CUL5: variants seen among roughly 807,000 people sequenced by gnomAD.
The protein encoded by CUL5 is cullin-5.
A neutral mutation model predicts 108.8 loss-of-function variants in CUL5; 26 were observed. The ratio of observed to expected loss-of-function variants is 0.24; its 90% CI spans 0.18 to 0.33. The LOEUF (loss-of-function observed/expected upper bound fraction) is 0.33, where lower values mean the gene tolerates loss of function less well. CUL5 is among the 10% of genes least tolerant of loss of function. The probability of loss-of-function intolerance (pLI) is 1.00; values close to 1 mark genes in which losing one functional copy is unlikely to be tolerated. For synonymous variants in CUL5, 334 were observed against 298.0 expected, an observed-to-expected ratio of 1.12 and a Z score of -1.25; for missense variants, 524 against 909.2, an observed-to-expected ratio of 0.58 and a Z score of 5.45.
chr11:108,074,319 C>G (rs765478297), intron 10 of CUL5, among the ~76,000 whole-genome samples: 12 of 150,694 alleles, frequency 8.0e-5, no homozygotes, highest in Non-Finnish European at 1.6e-4. Flanking sequence ...CTCAGCCTCT[C>G]GAGTAGCTGG....
intron 5 of CUL5, among the ~76,000 whole-genome samples, chr11:108,054,276 G>A (rs1863317256): frequency 6.6e-6 from 1 of 152,072 alleles, no homozygotes; most frequent in Admixed American, 6.5e-5. Flanking sequence ...ATATTTTCTT[G>A]TGCTTTTCTG....
intron 11 of CUL5, 25 bp from the exon 12 acceptor site, chr11:108,088,502 C>T (rs1196235689): frequency 6.4e-7 from 1 of 1,570,656 alleles, no homozygotes; most frequent in South Asian, 1.2e-5. Context: ...ATTTTTCCAT[C>T]AACTGCTTTT....
In CUL5 at chr11:108,095,630, G is replaced by C. The variant is rs148992074; in HGVS notation, c.1844G>C (p.Ser615Thr). The C allele has an allele frequency of 6.2e-7, 1 of 1,614,032 alleles. No individual in the cohort carries two copies. Among genetic ancestry groups the C allele is most frequent in the Non-Finnish European group, 8.5e-7 (1 of 1,179,964 alleles). Residue 615 changes from serine to threonine, a missense_variant, in exon 16 of 19, where the codon AGC becomes ACC. Transcript: ENST00000393094. ...AACCAAAGACCCAGAGAGAAAATCA[G>C]CTTTGAAAATCTTAAGCTTGCAACT... ...AWNQRPREKI[S>T]FENLKLATEL...
intron 13 of CUL5, among the ~76,000 whole-genome samples, chr11:108,090,982 G>A (rs796876516): frequency 9.9e-5 from 15 of 152,200 alleles, no homozygotes; most frequent in African/African-American, 3.6e-4. Flanking sequence ...ATAGGAAAAA[G>A]GGGAAAATAG....
intron 1 of CUL5, among the ~76,000 whole-genome samples, chr11:108,017,489 A>G (rs993603277): frequency 6.6e-5 from 10 of 152,074 alleles, no homozygotes; most frequent in African/African-American, 2.2e-4. Flanking sequence ...TACTGACACT[A>G]AAGACATAAA....
intron 10 of CUL5, among the ~76,000 whole-genome samples, chr11:108,075,031 G>A (rs1224876701): frequency 6.6e-6 from 1 of 152,062 alleles, no homozygotes; most frequent in African/African-American, 2.4e-5. Context: ...GGTAGAATGT[G>A]ATTTATGTAT....
chr11:108,103,657 G>T (rs1053224488), intron 18 of CUL5, among the ~76,000 whole-genome samples: 9 of 152,120 alleles, frequency 5.9e-5, no homozygotes, highest in African/African-American at 2.2e-4. Context: ...TATACACATT[G>T]TTTTCACAGG....
chr11:108,046,966 A>G (rs969755040), intron 3 of CUL5, among the ~76,000 whole-genome samples: 1 of 152,166 alleles, frequency 6.6e-6, no homozygotes, highest in African/African-American at 2.4e-5. Flanking sequence ...CTTATGAATA[A>G]ATCCCTTATC....
chr11:108,089,704 T>C, intron 13 of CUL5, 81 bp downstream of exon 13: 1 of 785,432 alleles, frequency 1.3e-6, no homozygotes, highest in Non-Finnish European at 1.9e-6. Context: ...ATTTTGGAGA[T>C]ATTGTTAATG....
At chr11:108,039,398 T>C (rs1235593536) in intron 2 of CUL5, among the ~76,000 whole-genome samples, 1 of 152,208 alleles carries the variant, frequency 6.6e-6, no homozygotes, top group Non-Finnish European at 1.5e-5. Context: ...TCTCCCCACC[T>C]TGCATTATAA....
intron 9 of CUL5, 66 bp from the exon 10 acceptor site, chr11:108,073,324 A>T (rs1007868964): frequency 1.4e-6 from 1 of 716,832 alleles, no homozygotes; most frequent in Non-Finnish European, 2.3e-6. Context: ...AATTATGTTT[A>T]TTTTCTCATT....
chr11:108,074,925 A>G (rs1863909333), intron 10 of CUL5, among the ~76,000 whole-genome samples: 1 of 152,232 alleles, frequency 6.6e-6, no homozygotes, highest in African/African-American at 2.4e-5. Flanking sequence ...CAAAGGCTTC[A>G]TAGGAAGCCA....
chr11:108,018,059 CAG>C (rs985486844), intron 1 of CUL5, among the ~76,000 whole-genome samples: 4 of 152,102 alleles, frequency 2.6e-5, no homozygotes, highest in African/African-American at 9.7e-5. Flanking sequence ...CATAGCCAAT[CAG>C]AGTGTCTCTT....
At chr11:108,099,932 A>G (rs1336831265) in intron 18 of CUL5, among the ~76,000 whole-genome samples, 1 of 151,698 alleles carries the variant, frequency 6.6e-6, no homozygotes, top group Non-Finnish European at 1.5e-5. Flanking sequence ...AATGGACTCA[A>G]GCGATCCTCC....
chr11:108,060,789 G>A (rs1430835341), intron 7 of CUL5, among the ~76,000 whole-genome samples: 2 of 151,620 alleles, frequency 1.3e-5, no homozygotes, highest in Non-Finnish European at 2.9e-5. Context: ...GTGAGATCGC[G>A]CCATTGCACT....
chr11:108,101,099 T>C (rs1401056706), intron 18 of CUL5, among the ~76,000 whole-genome samples: 2 of 152,246 alleles, frequency 1.3e-5, no homozygotes, highest in African/African-American at 4.8e-5. Context: ...GAAGTTCTTT[T>C]GTTTTGTCTT....
Position 108,070,160 on chromosome 11 carries a change from A to C in CUL5, c.845A>C (p.Gln282Pro), listed in dbSNP as rs777295327. Residue 282 changes from glutamine (Q) to proline (P), a missense_variant, in exon 8 of 19, where the codon CAA becomes CCA. Coordinates refer to ENST00000393094, the MANE Select transcript of CUL5 (RefSeq NM_003478.6). The stretch of plus-strand genomic sequence containing the variant: ...AAAGAGACTATCTTAGCTGAGTGCC[A>C]AGGCATGATCAAGAGAAATGAAACT... ...SFKETILAECQGMIKRNETEK... is the reference protein window; with the variant it reads ...SFKETILAECPGMIKRNETEK... 3 of 1,612,472 alleles carry C rather than the reference A, an allele frequency of 1.9e-6. No individual in the cohort carries two copies. The highest frequency in any genetic ancestry group is 2.5e-6 in the Non-Finnish European group (3 of 1,178,896).
At chr11:108,041,525 C>T (rs1862912913) in intron 2 of CUL5, among the ~76,000 whole-genome samples, 1 of 152,068 alleles carries the variant, frequency 6.6e-6, no homozygotes, top group African/African-American at 2.4e-5. Flanking sequence ...GATCCACCCA[C>T]CTCAGCATCC....
Position 108,088,518 on chromosome 11 carries a change from GT to G in CUL5, c.1179-3del. ...TTTTTCCATCAACTGCTTTTAATTTGTTTTTTAGGGTGGGATTAAAAACTCA... is the reference window on the plus strand; with the variant it reads ...TTTTTCCATCAACTGCTTTTAATTTGTTTTTAGGGTGGGATTAAAAACTCA... On this transcript the variant is annotated splice_region_variant and splice_polypyrimidine_tract_variant and intron_variant, in intron 11 of 18. Transcript: ENST00000393094. 1.3e-6 allele frequency: 2 copies of G among 1,579,038 alleles called. No individual in the cohort carries two copies. Among genetic ancestry groups the G allele is most frequent in the Non-Finnish European group, 1.7e-6 (2 of 1,169,690 alleles).
Sources: allele counts gnomAD v4.1 joint callset (sites outside exome capture counted in the v4.1 genomes callset), GRCh38; gene constraint gnomAD v4.1.1; transcripts MANE v1.5; gene names NCBI Gene and HGNC (gene_info 2026-07-23, HGNC 2026-07-21).